SUPT3H: variants seen among roughly 807,000 people sequenced by gnomAD.
The protein encoded by SUPT3H is transcription initiation protein SPT3 homolog.
A neutral mutation model predicts 44.3 loss-of-function variants in SUPT3H; 44 were observed. That is an observed-to-expected ratio of 0.99 (90% CI 0.78 to 1.28). The LOEUF is 1.28. Ranked by LOEUF, SUPT3H falls within the 50% of genes most tolerant of loss-of-function variation. The pLI, the probability that SUPT3H is intolerant of heterozygous loss-of-function variation, is 0.00. For missense variants in SUPT3H, 380 were observed against 387.1 expected, an observed-to-expected ratio of 0.98 and a Z score of 0.15; for synonymous variants, 124 against 125.6, an observed-to-expected ratio of 0.99 and a Z score of 0.09.
chr6:45,009,312 A>G (rs746344521), intron 5 of SUPT3H, among the ~76,000 whole-genome samples: 26 of 152,206 alleles, frequency 1.7e-4, no homozygotes, highest in Admixed American at 5.9e-4. Flanking sequence ...ACTTTGAAAT[A>G]ATTGATCAAG....
intron 10 of SUPT3H, among the ~76,000 whole-genome samples, chr6:44,931,846 C>G (rs1770646293): frequency 1.3e-5 from 2 of 151,224 alleles, no homozygotes; most frequent in Non-Finnish European, 2.9e-5. Flanking sequence ...AAAATGTATA[C>G]TATGTAATAC....
chr6:45,149,407 A>C (rs1806568877), intron 2 of SUPT3H, among the ~76,000 whole-genome samples: 2 of 152,200 alleles, frequency 1.3e-5, no homozygotes, highest in South Asian at 4.1e-4. Context: ...CACTATGTAC[A>C]GTCTACAGTA....
Position 45,041,332 on chromosome 6 carries a change from C to T in SUPT3H, c.187-20700G>A, listed in dbSNP as rs141273355. On this transcript the variant is annotated intron_variant, in intron 3 of 10. Coordinates refer to ENST00000371459, the MANE Select transcript of SUPT3H (RefSeq NM_003599.4). ...CTTTTAGCTGAGACTTAAAATCCAA[C>T]GGATTAAAGGGCTCTGGTTATTCAA... 7.9e-5 allele frequency among the ~76,000 whole-genome samples: 12 copies of T among 152,182 alleles called. No individual in the cohort carries two copies. In the East Asian group the frequency reaches 1.7e-3, roughly 22 times the overall value.
rs533726029 is a variant in SUPT3H, at chr6:45,077,492, T to TG, written c.186+28429dup. ...AACTTTAAAAACTAGCCAGGTGTGG[T>TG]GGCCTGTGCCTATAGTCCCAGCTAT... On this transcript the variant is annotated intron_variant, in intron 3 of 10. Transcript: ENST00000371459. Among the ~76,000 whole-genome samples the TG allele has an allele frequency of 2.6e-5, 4 of 151,852 alleles. No homozygotes were observed. In the South Asian group the frequency reaches 8.3e-4, roughly 32 times the overall value.
At chr6:45,158,614 A>ACCGGATT (rs202099825) in intron 2 of SUPT3H, among the ~76,000 whole-genome samples, 1 of 151,430 alleles carries the variant, frequency 6.6e-6, no homozygotes, top group East Asian at 1.9e-4. Flanking sequence ...ACTTGGGGAT[A>ACCGGATT]CCTTTGATTT....
chr6:45,136,398 A>G (rs1804282965), intron 2 of SUPT3H, among the ~76,000 whole-genome samples: 1 of 152,190 alleles, frequency 6.6e-6, no homozygotes, highest in Admixed American at 6.5e-5. Context: ...ACAAAATACT[A>G]TCTTAGTCCA....
chr6:45,281,134 G>T (rs1010404248), intron 2 of SUPT3H, among the ~76,000 whole-genome samples: 1 of 152,132 alleles, frequency 6.6e-6, no homozygotes, highest in Admixed American at 6.5e-5. Flanking sequence ...GGCCGAATAG[G>T]AACAGCTCCA....
intron 10 of SUPT3H, among the ~76,000 whole-genome samples, chr6:44,872,488 C>T (rs1290137948): frequency 1.1e-4 from 17 of 150,882 alleles, no homozygotes; most frequent in South Asian, 2.1e-4. Flanking sequence ...TAAAAGAGCT[C>T]CTGAAGGAAG....
At chr6:45,251,395 GCACA>G (rs70996313) in intron 2 of SUPT3H, among the ~76,000 whole-genome samples, 55,365 of 144,716 alleles carry the variant, frequency 0.38, 10,432 homozygotes, top group East Asian at 0.45. Context: ...AAGAGAAGCT[GCACA>G]CACACACACA....
intron 2 of SUPT3H, among the ~76,000 whole-genome samples, chr6:45,325,127 T>G (rs991766817): frequency 1.3e-5 from 2 of 151,808 alleles, no homozygotes; most frequent in African/African-American, 2.4e-5. Flanking sequence ...TCGTAAAACC[T>G]CATAATCAGA....
chr6:45,265,502 G>A (rs1414777293), intron 2 of SUPT3H, among the ~76,000 whole-genome samples: 1 of 151,960 alleles, frequency 6.6e-6, no homozygotes, highest in Non-Finnish European at 1.5e-5. Flanking sequence ...CACTTCCTGG[G>A]ATATACATCT....
At chr6:45,008,808 A>G (rs965580903) in intron 5 of SUPT3H, among the ~76,000 whole-genome samples, 1 of 151,542 alleles carries the variant, frequency 6.6e-6, no homozygotes, top group African/African-American at 2.4e-5. Flanking sequence ...TGGCACAATC[A>G]CGGCTCACTG....
chr6:44,831,398 A>AC, intron 10 of SUPT3H, among the ~76,000 whole-genome samples: 1 of 152,290 alleles, frequency 6.6e-6, no homozygotes, highest in Admixed American at 6.5e-5. Context: ...GCGCTATAGA[A>AC]CAGTGTTAAG....
rs548339987 is a variant in SUPT3H at position 44,817,453 on chromosome 6, A to G, written c.*53-7952T>C. Among the ~76,000 whole-genome samples the G allele has an allele frequency of 3.1e-4, 47 of 152,296 alleles. 1 individual carries two copies. The East Asian group carries it at 5.4e-3, about 17-fold the overall frequency. ...TGTCCATTTTTACCACTCCTATTCAATAGTGTACTGGAGATCCTAGTCACT... is the reference window on the plus strand; with the variant it reads ...TGTCCATTTTTACCACTCCTATTCAGTAGTGTACTGGAGATCCTAGTCACT... On this transcript the variant is annotated intron_variant and NMD_transcript_variant, in intron 11 of 11. Transcript: ENST00000475057.
intron 10 of SUPT3H, among the ~76,000 whole-genome samples, chr6:44,849,832 T>TA (rs1369726232): frequency 6.6e-6 from 1 of 152,226 alleles, no homozygotes; most frequent in Non-Finnish European, 1.5e-5. Flanking sequence ...CAACCAGATG[T>TA]ATGGCCTGAG....
At chr6:44,877,117 C>G (rs1777436186) in intron 10 of SUPT3H, among the ~76,000 whole-genome samples, 1 of 152,144 alleles carries the variant, frequency 6.6e-6, no homozygotes, top group Non-Finnish European at 1.5e-5. Context: ...ATATGCTGAG[C>G]ATTTTCCCAA....
chr6:45,061,432 G>A lies in SUPT3H; in HGVS notation c.187-40800C>T, dbSNP rs59582101. Among the ~76,000 whole-genome samples the A allele has an allele frequency of 3.9e-3, 593 of 152,166 alleles. 7 individuals are homozygous for A. Among genetic ancestry groups the A allele is most frequent in the African/African-American group, 0.014 (565 of 41,504 alleles). ...AGAAACACTGTGGGGAACAACACAT[G>A]GGGCCTTTTAGAGGGGGCAGGGAGA... On this transcript the variant is annotated intron_variant, in intron 3 of 10. Transcript: ENST00000371459.
At chr6:44,835,979 T>C (rs1481464110) in intron 10 of SUPT3H, among the ~76,000 whole-genome samples, 1 of 152,200 alleles carries the variant, frequency 6.6e-6, no homozygotes, top group African/African-American at 2.4e-5. Flanking sequence ...ACATATTGTT[T>C]TGCTTTAATA....
intron 2 of SUPT3H, among the ~76,000 whole-genome samples, chr6:45,282,717 G>T (rs1395536041): frequency 6.6e-6 from 1 of 152,070 alleles, no homozygotes; most frequent in Admixed American, 6.5e-5. Flanking sequence ...AACATGCAAA[G>T]TCAGGAAATA....
Sources: gnomAD v4.1 joint callset for allele counts (sites outside exome capture counted in the v4.1 genomes callset) on GRCh38, gnomAD v4.1.1 for gene constraint, MANE v1.5 for transcripts, NCBI Gene and HGNC (gene_info 2026-07-23, HGNC 2026-07-21) for gene names.